The following LRRC37A3 variants were observed in gnomAD, a reference collection of about 807,000 sequenced individuals.
LRRC37A3 encodes leucine rich repeat containing 37 member A3.
LRRC37A3 carries 25 observed loss-of-function variants against 106.2 expected under a neutral mutation model. The observed-to-expected ratio is 0.24, with a 90% confidence interval of 0.17 to 0.33. The LOEUF is 0.33. Among genes scored for constraint, LRRC37A3 ranks in the 10% least tolerant of loss-of-function variants. The pLI is 1.00. For synonymous variants in LRRC37A3, 305 were observed against 635.8 expected (o/e 0.48, Z 7.83); for missense variants, 712 against 1,644.9 (o/e 0.43, Z 9.81).
intron 2 of LRRC37A3, chr17:64,901,383 A>G (rs1974305527): frequency 6.7e-6 from 1 of 149,640 alleles, no homozygotes; most frequent in Non-Finnish European, 1.5e-5. Flanking sequence ...ACTTCACATT[A>G]GAAGCATGGC....
intron 8 of LRRC37A3, among the ~76,000 whole-genome samples, chr17:64,872,893 C>T (rs976966266): frequency 3.3e-5 from 5 of 151,986 alleles, no homozygotes; most frequent in Non-Finnish European, 7.4e-5. Context: ...AAAGCTAAGG[C>T]ATGGCTGTAA....
rs989523663 is a variant in LRRC37A3 at position 64,872,880 on chromosome 17, G to A, written c.2907-3714C>T. 3.7e-4 allele frequency among the ~76,000 whole-genome samples: 56 copies of A among 152,014 alleles called. 1 individual carries two copies. Among genetic ancestry groups the A allele is most frequent in the Admixed American group, 1.0e-3 (16 of 15,260 alleles). On this transcript the variant is annotated intron_variant, in intron 8 of 14. Transcript: ENST00000584306. ...CCTTGAGGTTCTGCACAAGCAAGAA[G>A]TGAAAGCTAAGGCATGGCTGTAAAT...
chr17:64,877,283 C>T (rs935814927), intron 8 of LRRC37A3, among the ~76,000 whole-genome samples: 4 of 152,052 alleles, frequency 2.6e-5, no homozygotes, highest in Non-Finnish European at 5.9e-5. Context: ...CTTACTGCAA[C>T]CTCCACCTCC....
chr17:64,861,823 CA>C (rs1490084810), intron 11 of LRRC37A3, among the ~76,000 whole-genome samples: 1 of 152,074 alleles, frequency 6.6e-6, no homozygotes, highest in Non-Finnish European at 1.5e-5. Flanking sequence ...GGGAATCATC[CA>C]AAGCTTCTGA....
chr17:64,875,469 G>A (rs1973479315), intron 8 of LRRC37A3, among the ~76,000 whole-genome samples: 1 of 152,218 alleles, frequency 6.6e-6, no homozygotes, highest in Non-Finnish European at 1.5e-5. Flanking sequence ...CCTATAAGGA[G>A]TACTAACGTG....
Position 64,860,808 on chromosome 17 carries a change from T to C in LRRC37A3, c.3338A>G (p.Glu1113Gly). Residue 1113 changes from glutamate to glycine, a missense_variant, in exon 12 of 15, where the codon GAG (glutamate) becomes GGG (glycine). Transcript: ENST00000584306. ...FGSEQLDTND[E>G]SDVTSTLSYI... is the part of the protein sequence containing the mutation. ...ACTTAGTGTACTGGTAACATCACTC[T>C]CGTCATTGGTGTCTAGCTGCTCACT... 1 of 1,614,208 alleles carries C rather than the reference T, an allele frequency of 6.2e-7. No individual in the cohort carries two copies. The highest frequency in any genetic ancestry group is 8.5e-7 in the Non-Finnish European group (1 of 1,180,032).
At chr17:64,862,312 G>A (rs866046352) in intron 11 of LRRC37A3, among the ~76,000 whole-genome samples, 2 of 152,100 alleles carry the variant, frequency 1.3e-5, no homozygotes, top group Admixed American at 6.5e-5. Context: ...TTTGTGAACA[G>A]AAAGGTTTGA....
intron 2 of LRRC37A3, among the ~76,000 whole-genome samples, chr17:64,912,261 A>G (rs1598437736): frequency 1.3e-5 from 2 of 148,732 alleles, no homozygotes; most frequent in South Asian, 2.1e-4. Flanking sequence ...ACATCTACAT[A>G]CATACACAAT....
intron 2 of LRRC37A3, among the ~76,000 whole-genome samples, chr17:64,916,689 G>A (rs1249723677): frequency 6.6e-6 from 1 of 151,102 alleles, no homozygotes. Flanking sequence ...GAGGCCAAGA[G>A]GTGGGAGGAT....
At chr17:64,913,121 C>T (rs1391314274) in intron 2 of LRRC37A3, among the ~76,000 whole-genome samples, 57 of 151,730 alleles carry the variant, frequency 3.8e-4, no homozygotes, top group Non-Finnish European at 5.3e-4. Flanking sequence ...CTCTGCCTCC[C>T]GGCTTCAAGC....
rs1335541746 is a variant in LRRC37A3 at position 64,898,423 on chromosome 17, G to C, written c.-459C>G. 5 of 226,120 alleles carry C rather than the reference G, an allele frequency of 2.2e-5. No individual in the cohort carries two copies. Among genetic ancestry groups the C allele is most frequent in the African/African-American group, 1.3e-4 (5 of 38,028 alleles). The allele number at this position is 226,120 out of a possible 1,614,324, so 14.0% of individuals were successfully genotyped here. A position where few individuals can be genotyped will look rare whatever the true frequency, so the allele number is the denominator to read the frequency against. The stretch of plus-strand genomic sequence containing the variant: ...AATCGCTTGAACCTGGGAGGCAGAG[G>C]TTGCAGTGAGCCGAGATCACAACAT... On this transcript the variant is annotated 5_prime_UTR_variant, in exon 3 of 15. Transcript: ENST00000584306.
At chr17:64,901,133 T>G (rs1974297908) in intron 2 of LRRC37A3, 1 of 148,820 alleles carries the variant, frequency 6.7e-6, no homozygotes, top group South Asian at 2.1e-4. Flanking sequence ...TGCTGAGATT[T>G]CAAGCGTGAG....
intron 9 of LRRC37A3, 110 bp downstream of exon 9, chr17:64,868,985 T>G (rs1321863607): frequency 6.7e-7 from 1 of 1,502,086 alleles, no homozygotes; most frequent in Non-Finnish European, 8.9e-7. Context: ...ATAACCCAGT[T>G]AAAATTTAAA....
intron 8 of LRRC37A3, among the ~76,000 whole-genome samples, chr17:64,873,617 T>A (rs998207282): frequency 4.0e-5 from 6 of 149,692 alleles, no homozygotes; most frequent in African/African-American, 1.5e-4. Context: ...AGGAGTCAAA[T>A]AGAAATTCTA....
intron 10 of LRRC37A3, among the ~76,000 whole-genome samples, chr17:64,863,892 C>T (rs1972965839): frequency 6.6e-6 from 1 of 152,006 alleles, no homozygotes; most frequent in Non-Finnish European, 1.5e-5. Context: ...CAGCCTCAAC[C>T]CCCCTGGGCT....
chr17:64,881,716 G>C (rs551632207), intron 8 of LRRC37A3, among the ~76,000 whole-genome samples: 1 of 150,646 alleles, frequency 6.6e-6, no homozygotes, highest in Admixed American at 6.6e-5. Context: ...AGCCTTTCTG[G>C]GTAGCGTTTA....
chr17:64,856,392 T>A lies in LRRC37A3; in HGVS notation c.4810-503A>T, dbSNP rs529293957. On this transcript the variant is annotated intron_variant, in intron 13 of 14. Transcript: ENST00000584306. Reference sequence around the variant, plus strand: ...CTACCACACCTGGCTATTTTTTTTTTAATTTTTAATAAAGACAAGGTCTCA... The same window carrying A: ...CTACCACACCTGGCTATTTTTTTTTAAATTTTTAATAAAGACAAGGTCTCA... 4.6e-4 allele frequency among the ~76,000 whole-genome samples: 69 copies of A among 148,904 alleles called. 1 individual carries two copies. Among genetic ancestry groups the A allele is most frequent in the South Asian group, 4.4e-3 (21 of 4,744 alleles).
At chr17:64,881,204 T>G in intron 8 of LRRC37A3, 1 of 700,906 alleles carries the variant, frequency 1.4e-6, no homozygotes, top group Non-Finnish European at 2.6e-6. Flanking sequence ...GGGCAAAATC[T>G]AGAGAATCTG....
intron 10 of LRRC37A3, among the ~76,000 whole-genome samples, chr17:64,866,628 ATT>A (rs1183521580): frequency 1.7e-3 from 30 of 17,866 alleles, no homozygotes; most frequent in East Asian, 2.6e-3. Flanking sequence ...ATATATATAT[ATT>A]TTTTTTTTTT....
Sources: allele counts gnomAD v4.1 joint callset (sites outside exome capture counted in the v4.1 genomes callset), GRCh38; gene constraint gnomAD v4.1.1; transcripts MANE v1.5; gene names NCBI Gene and HGNC (gene_info 2026-07-23, HGNC 2026-07-21).